The following SKAP2 variants were observed in gnomAD, a reference collection of about 807,000 sequenced individuals.
SKAP2 encodes src kinase associated phosphoprotein 2.
A neutral mutation model predicts 54.9 loss-of-function variants in SKAP2; 28 were observed. The observed-to-expected ratio is 0.51, with a 90% CI of 0.38 to 0.70. The LOEUF (loss-of-function observed/expected upper bound fraction) is 0.70. SKAP2 is among the 30% of genes least tolerant of loss of function. SKAP2 has a pLI of 0.00. For missense variants in SKAP2, 356 were observed against 424.1 expected, an observed-to-expected ratio of 0.84 and a Z score of 1.41; for synonymous variants, 137 against 134.3, an observed-to-expected ratio of 1.02 and a Z score of -0.14.
chr7:26,823,459 A>G (rs957383668), intron 4 of SKAP2, among the ~76,000 whole-genome samples: 11 of 151,772 alleles, frequency 7.2e-5, no homozygotes, highest in Non-Finnish European at 1.6e-4. Flanking sequence ...GCAAAAAGCA[A>G]AACAGCCTAA....
At chr7:26,801,878 T>TTCA (rs1482243784) in intron 4 of SKAP2, among the ~76,000 whole-genome samples, 1 of 152,086 alleles carries the variant, frequency 6.6e-6, no homozygotes, top group Admixed American at 6.6e-5. Context: ...CAAAAAATAT[T>TTCA]TCATGTTCAT....
chr7:26,730,485 C>T lies in SKAP2; in HGVS notation c.470-3479G>A, dbSNP rs555194361. ...TCTAAAATATATACTTGCCTAACTT[C>T]TCAAACAAATCTTTTAAACATAACA... On this transcript the variant is annotated intron_variant, in intron 6 of 12. Coordinates refer to ENST00000345317, the MANE Select transcript of SKAP2 (RefSeq NM_003930.5). Among the ~76,000 whole-genome samples the T allele has an allele frequency of 7.9e-5, 12 of 152,256 alleles. No homozygotes were observed. In the South Asian group the frequency reaches 2.5e-3, roughly 32 times the overall value.
At chr7:26,770,051 CA>C (rs145035380) in intron 4 of SKAP2, among the ~76,000 whole-genome samples, 5,520 of 152,234 alleles carry the variant, frequency 0.036, 329 homozygotes, top group African/African-American at 0.13. Flanking sequence ...GCTGTGCCCA[CA>C]GCCACCCATT....
At chr7:26,851,722 A>ATT (rs1562635981) in intron 3 of SKAP2, among the ~76,000 whole-genome samples, 19 of 149,752 alleles carry the variant, frequency 1.3e-4, no homozygotes, top group South Asian at 2.1e-4. Context: ...TAATAATTAA[A>ATT]AAAAAAAAAA....
intron 4 of SKAP2, among the ~76,000 whole-genome samples, chr7:26,780,446 CCAGA>C (rs987288898): frequency 1.1e-4 from 16 of 151,932 alleles, no homozygotes; most frequent in Non-Finnish European, 1.8e-4. Context: ...GCTTTAGTGG[CCAGA>C]CAGATTCTGT....
intron 9 of SKAP2, 61 bp from the exon 10 acceptor site, chr7:26,690,423 C>A: frequency 9.7e-7 from 1 of 1,032,104 alleles, no homozygotes; most frequent in South Asian, 1.3e-5. Flanking sequence ...CACTACAGTA[C>A]TCACTCAATT....
chr7:26,853,639 T>C (rs1424057973), intron 3 of SKAP2, among the ~76,000 whole-genome samples: 1 of 152,126 alleles, frequency 6.6e-6, no homozygotes, highest in East Asian at 1.9e-4. Flanking sequence ...AATAAAAACT[T>C]TCACTTGAAA....
intron 4 of SKAP2, among the ~76,000 whole-genome samples, chr7:26,823,538 C>T (rs984049263): frequency 7.2e-5 from 11 of 151,982 alleles, no homozygotes; most frequent in Admixed American, 2.6e-4. Flanking sequence ...TCCCTTAAGC[C>T]AAAGCCTAAC....
At chr7:26,685,806 A>G (rs1214871323) in intron 10 of SKAP2, among the ~76,000 whole-genome samples, 1 of 152,202 alleles carries the variant, frequency 6.6e-6, no homozygotes, top group Non-Finnish European at 1.5e-5. Flanking sequence ...CCTGTTTTCA[A>G]TTTCATGATA....
chr7:26,848,665 A>G (rs950235059), intron 3 of SKAP2, among the ~76,000 whole-genome samples: 2 of 152,230 alleles, frequency 1.3e-5, no homozygotes, highest in African/African-American at 4.8e-5. Context: ...AAATGGGGAA[A>G]AATTACTCTA....
chr7:26,864,458 G>A lies in SKAP2; in HGVS notation c.-29C>T, dbSNP rs931837549. On this transcript the variant is annotated 5_prime_UTR_variant, in exon 1 of 13. Transcript: ENST00000345317. ...AGGGAGCGCAGGGCGTGCGGGGAAA[G>A]GACCTGCGCTGAAAAGGTGACCGAC... is the stretch of plus-strand genomic sequence containing the variant. The A allele has an allele frequency of 7.0e-6, 11 of 1,580,978 alleles. No homozygotes were observed. Among genetic ancestry groups the A allele is most frequent in the Non-Finnish European group, 9.4e-6 (11 of 1,164,022 alleles).
intron 4 of SKAP2, among the ~76,000 whole-genome samples, chr7:26,755,971 G>C (rs1229152029): frequency 1.3e-5 from 2 of 152,102 alleles, no homozygotes. Context: ...GTATAAGCCA[G>C]AATATTCACT....
chr7:26,656,089 G>A, the SKAP2 span, among the ~76,000 whole-genome samples: 1 of 152,170 alleles, frequency 6.6e-6, no homozygotes, highest in South Asian at 2.1e-4. Flanking sequence ...TCCTGTGACA[G>A]CACAAACCCA....
chr7:26,804,987 T>A (rs1273581847), intron 4 of SKAP2, among the ~76,000 whole-genome samples: 3 of 152,118 alleles, frequency 2.0e-5, no homozygotes, highest in Admixed American at 6.6e-5. Context: ...AAACACAGTA[T>A]CCAGAATATG....
At chr7:26,829,132 T>A (rs1784553891) in intron 4 of SKAP2, among the ~76,000 whole-genome samples, 1 of 152,004 alleles carries the variant, frequency 6.6e-6, no homozygotes, top group South Asian at 2.1e-4. Context: ...ATCAAGAAAG[T>A]GAAATGAAAA....
At chr7:26,735,250 T>C (rs1038103230) in intron 6 of SKAP2, among the ~76,000 whole-genome samples, 2 of 152,142 alleles carry the variant, frequency 1.3e-5, no homozygotes, top group Non-Finnish European at 2.9e-5. Context: ...AGTGAATGAA[T>C]GAATGAATGA....
chr7:26,792,873 C>T (rs1390319024), intron 4 of SKAP2, among the ~76,000 whole-genome samples: 2 of 152,146 alleles, frequency 1.3e-5, no homozygotes, highest in East Asian at 3.8e-4. Flanking sequence ...TTTGCAAGGA[C>T]TTTTCATATT....
chr7:26,854,852 T>C lies in SKAP2; in HGVS notation c.106A>G (p.Asn36Asp). Reference protein sequence around the residue: ...TFVADILKGENLSKKAKEKRE... With the variant: ...TFVADILKGEDLSKKAKEKRE... ...TTTTCCTTTGCTTTCTTGGATAAAT[T>C]TTCTCCTTTCAGTATATCTGCTACA... is the stretch of plus-strand genomic sequence containing the variant. Residue 36 changes from asparagine (N) to aspartate (D), a missense_variant, in exon 2 of 13, where the codon AAT becomes GAT. Coordinates refer to ENST00000345317, the MANE Select transcript of SKAP2 (RefSeq NM_003930.5). 6.3e-7 allele frequency: 1 copy of C among 1,599,288 alleles called. No individual in the cohort carries two copies. The highest frequency in any genetic ancestry group is 8.5e-7 in the Non-Finnish European group (1 of 1,170,370).
intron 3 of SKAP2, among the ~76,000 whole-genome samples, chr7:26,851,408 C>T (rs1215334145): frequency 6.6e-6 from 1 of 152,114 alleles, no homozygotes; most frequent in Admixed American, 6.5e-5. Context: ...GGTGCCGCTA[C>T]ACTCCAGCCT....
Sources: allele counts gnomAD v4.1 joint callset (sites outside exome capture counted in the v4.1 genomes callset), GRCh38; gene constraint gnomAD v4.1.1; transcripts MANE v1.5; gene names NCBI Gene and HGNC (gene_info 2026-07-23, HGNC 2026-07-21).